The following PLEKHH1 variants were observed in gnomAD, a reference collection of about 807,000 sequenced individuals.
PLEKHH1 encodes the protein pleckstrin homology, MyTH4 and FERM domain containing H1.
In PLEKHH1, 104 loss-of-function variants were observed where a neutral mutation model predicts 160.0. The ratio of observed to expected loss-of-function variants is 0.65; its 90% CI spans 0.55 to 0.76. The LOEUF is 0.76. Among genes scored for constraint, PLEKHH1 ranks in the 30% least tolerant of loss-of-function variants. PLEKHH1 has a pLI of 0.00. For missense variants in PLEKHH1, 1,427 were observed against 1,724.1 expected (o/e 0.83, Z 3.05); for synonymous variants, 619 against 678.4 (o/e 0.91, Z 1.36).
Position 67,588,520 on chromosome 14 carries a change from A to T in PLEKHH1, c.*1285A>T, listed in dbSNP as rs2036263467. ...GTTTCTTTCATCTTTTGCCTTACTG[A>T]TAATACCATAATCCCCCTCAATTCA... On this transcript the variant is annotated 3_prime_UTR_variant, in exon 29 of 29. Transcript: ENST00000329153. 1 of 152,066 alleles carries T rather than the reference A, an allele frequency of 6.6e-6. No individual in the cohort carries two copies. Among genetic ancestry groups the T allele is most frequent in the Non-Finnish European group, 1.5e-5 (1 of 68,028 alleles). 9.4% of individuals were successfully genotyped at this position (152,066 alleles called of 1,614,324 possible).
At chr14:67,548,134 G>T (rs1368565383) in intron 2 of PLEKHH1, among the ~76,000 whole-genome samples, 1 of 152,168 alleles carries the variant, frequency 6.6e-6, no homozygotes, top group Admixed American at 6.5e-5. Flanking sequence ...AAGCCACAAA[G>T]GCTATTCAGA....
At chr14:67,567,380 TG>T (rs1436594644) in intron 7 of PLEKHH1, among the ~76,000 whole-genome samples, 1 of 152,238 alleles carries the variant, frequency 6.6e-6, no homozygotes, top group African/African-American at 2.4e-5. Flanking sequence ...GATAACATTT[TG>T]TCAAACAGTC....
rs1471175074 is a variant in PLEKHH1 at position 67,589,262 on chromosome 14, C to T, written c.*2027C>T. The T allele has an allele frequency of 1.2e-6, 1 of 817,140 alleles. No individual in the cohort carries two copies. The highest frequency in any genetic ancestry group is 1.2e-4 in the East Asian group (1 of 8,170). 50.6% of individuals were successfully genotyped at this position (817,140 alleles called of 1,614,324 possible). A position where few individuals can be genotyped will look rare whatever the true frequency, so the allele number is the denominator to read the frequency against. ...TCTCCTCCCCAACCCTTCAGGAACCCTTTAGTTTATTAATCTTATACAGAA... is the reference window on the plus strand; with the variant it reads ...TCTCCTCCCCAACCCTTCAGGAACCTTTTAGTTTATTAATCTTATACAGAA... On this transcript the variant is annotated 3_prime_UTR_variant, in exon 29 of 29. Transcript: ENST00000329153.
chr14:67,582,165 T>C lies in PLEKHH1; in HGVS notation c.3381T>C (p.Pro1127=), dbSNP rs779741605. ...TSREIVAGRF[P]INKELALEMA... is the part of the protein sequence containing the mutation. ...GAGAGATAGTGGCAGGGAGGTTTCC[T>C]ATCAACAAGGAATTGGCTCTTGAGA... The change falls in exon 24 of 29, where the codon CCT becomes CCC. Residue 1127 remains proline, a synonymous_variant. Coordinates refer to ENST00000329153, the MANE Select transcript of PLEKHH1 (RefSeq NM_020715.3). The surrounding 1 kb of genome is among the most constrained non-coding windows in gnomAD (Gnocchi z 5.0). 1.2e-6 allele frequency: 2 copies of C among 1,613,504 alleles called. No homozygotes were observed. The highest frequency in any genetic ancestry group is 2.7e-5 in the African/African-American group (2 of 75,008).
intron 27 of PLEKHH1, 138 bp from the exon 28 acceptor site, chr14:67,585,812 AT>A (rs2036130635): frequency 4.8e-6 from 5 of 1,050,224 alleles, no homozygotes; most frequent in Non-Finnish European, 5.7e-6. Context: ...CTGCTTGTAG[AT>A]ATTCAAGATG....
chr14:67,554,568 T>C lies in PLEKHH1; in HGVS notation c.127-1257T>C, dbSNP rs111897728. Among the ~76,000 whole-genome samples, 250 of 152,324 alleles carry C rather than the reference T, an allele frequency of 1.6e-3. 2 individuals carry two copies. The highest frequency in any genetic ancestry group is 5.7e-3 in the African/African-American group (235 of 41,576). On this transcript the variant is annotated intron_variant, in intron 2 of 28. Transcript: ENST00000329153. ...TAGGCTTGGCACATGGTGTTAGACA[T>C]GAGAGCGGGATGCATGAATTTGCTC...
At chr14:67,537,884 G>A (rs981405923) in intron 1 of PLEKHH1, among the ~76,000 whole-genome samples, 5 of 152,228 alleles carry the variant, frequency 3.3e-5, no homozygotes, top group South Asian at 2.1e-4. Context: ...TTTCAGTCCC[G>A]GGTGTTGGAG....
intron 7 of PLEKHH1, among the ~76,000 whole-genome samples, chr14:67,566,593 C>T (rs1486651678): frequency 2.0e-5 from 3 of 151,924 alleles, no homozygotes; most frequent in African/African-American, 4.8e-5. Context: ...AAAAAAGATA[C>T]AAAAATTAGC....
rs976424699 is a variant in PLEKHH1 at position 67,555,898 on chromosome 14, G to T, written c.189+11G>T. The T allele has an allele frequency of 6.2e-7, 1 of 1,613,058 alleles. No individual in the cohort carries two copies. The highest frequency in any genetic ancestry group is 1.3e-5 in the African/African-American group (1 of 75,030). Reference sequence around the variant, plus strand: ...AACGCTGAGACCCAGGTAACCAGGGGAGGGGATCGGCGGGAATATGCAGGG... The same window carrying T: ...AACGCTGAGACCCAGGTAACCAGGGTAGGGGATCGGCGGGAATATGCAGGG... On this transcript the variant is annotated intron_variant, in intron 3 of 28. Coordinates refer to ENST00000329153, the MANE Select transcript of PLEKHH1 (RefSeq NM_020715.3).
rs1566766165 is a variant in PLEKHH1, at chr14:67,584,092, C to G, written c.3667C>G (p.Pro1223Ala). Reference protein sequence around the residue: ...RIYLTVARKWPFFGAKLFAAQ... With the variant: ...RIYLTVARKWAFFGAKLFAAQ... ...CTACCTGACCGTGGCCAGGAAATGG[C>G]CTTTCTTTGGTGCTAAACTTTTTGC... The change falls in exon 26 of 29, where the codon CCT (proline) becomes GCT (alanine). Residue 1223 changes from proline (P) to alanine (A), a missense_variant. Physicochemically the swap from Pro to Ala is conservative, Grantham distance 27. Transcript: ENST00000329153. The G allele has an allele frequency of 6.2e-7, 1 of 1,613,910 alleles. No individual in the cohort carries two copies. The highest frequency in any genetic ancestry group is 8.5e-7 in the Non-Finnish European group (1 of 1,179,878).
At chr14:67,571,022 C>G (rs571468243) in intron 9 of PLEKHH1, 1 of 152,292 alleles carries the variant, frequency 6.6e-6, no homozygotes, top group East Asian at 1.9e-4. Context: ...ATGCCTGGCC[C>G]CTACCTCCTC....
At chr14:67,569,299 C>A in intron 8 of PLEKHH1, 83 bp downstream of exon 8, 1 of 970,726 alleles carries the variant, frequency 1.0e-6, no homozygotes, top group Non-Finnish European at 1.6e-6. Context: ...CTCCAAGCAA[C>A]ACCCAGGGCC....
At chr14:67,570,635 A>C (rs951866300) in intron 9 of PLEKHH1, 22 of 152,448 alleles carry the variant, frequency 1.4e-4, no homozygotes, top group African/African-American at 4.8e-4. Flanking sequence ...CTGTGTGCAC[A>C]CAAAAGGTGC....
intron 7 of PLEKHH1, among the ~76,000 whole-genome samples, chr14:67,568,557 AT>A (rs758745654): frequency 6.6e-6 from 1 of 152,190 alleles, no homozygotes; most frequent in Non-Finnish European, 1.5e-5. Flanking sequence ...GTTTACCTAC[AT>A]AAAAACCTGC....
rs368751472 is a variant in PLEKHH1 at position 67,562,731 on chromosome 14, G to A, written c.1100G>A (p.Arg367Gln). The change falls in exon 7 of 29, where the codon CGA (arginine) becomes CAA (glutamine). Residue 367 changes from arginine to glutamine, a missense_variant. By Grantham distance (43) the Arg-to-Gln change is conservative. Around this residue, in one of 6 missense-constraint regions of PLEKHH1, gnomAD observed 831 missense variants for 929.2 expected, o/e 0.89. Coordinates refer to ENST00000329153, the MANE Select transcript of PLEKHH1 (RefSeq NM_020715.3). ...HPSGLPELESRARSREEPEKM... is the reference protein window; with the variant it reads ...HPSGLPELESQARSREEPEKM... ...TCTGGCCTTCCTGAGCTGGAGTCCCGAGCTAGGTCCCGGGAGGAACCAGAG... is the reference window on the plus strand; with the variant it reads ...TCTGGCCTTCCTGAGCTGGAGTCCCAAGCTAGGTCCCGGGAGGAACCAGAG... The A allele has an allele frequency of 6.1e-5, 99 of 1,613,438 alleles. No homozygotes were observed. The African/African-American group carries it at 7.2e-4, about 12-fold the overall frequency.
At chr14:67,533,834 C>G (rs1185214554) in intron 1 of PLEKHH1, 2 of 152,112 alleles carry the variant, frequency 1.3e-5, no homozygotes, top group Non-Finnish European at 2.9e-5. Flanking sequence ...CTCCTAGGAG[C>G]AGGTCATTCA....
Position 67,582,288 on chromosome 14 carries a change from G to T in PLEKHH1, c.3426+78G>T. Reference sequence around the variant, plus strand: ...GCACCATGCAGCCTGAAACACAGGAGAGATTCTGCAGATCCTGTGGTGCTC... The same window carrying T: ...GCACCATGCAGCCTGAAACACAGGATAGATTCTGCAGATCCTGTGGTGCTC... On this transcript the variant is annotated intron_variant, in intron 24 of 28. Coordinates refer to ENST00000329153, the MANE Select transcript of PLEKHH1 (RefSeq NM_020715.3). The surrounding 1 kb of genome is among the most constrained non-coding windows in gnomAD (Gnocchi z 5.0). 1 of 1,604,494 alleles carries T rather than the reference G, an allele frequency of 6.2e-7. No homozygotes were observed. Among genetic ancestry groups the T allele is most frequent in the African/African-American group, 1.3e-5 (1 of 74,910 alleles).
In PLEKHH1 at chr14:67,585,663, G is replaced by A; in HGVS notation, c.3786+9G>A. 1 of 1,534,236 alleles carries A rather than the reference G, an allele frequency of 6.5e-7. No individual in the cohort carries two copies. Among genetic ancestry groups the A allele is most frequent in the Non-Finnish European group, 8.9e-7 (1 of 1,127,020 alleles). On this transcript the variant is annotated intron_variant, in intron 27 of 28. Coordinates refer to ENST00000329153, the MANE Select transcript of PLEKHH1 (RefSeq NM_020715.3). ...TGGACCACAACACTATGGTATGAAA[G>A]GATGCAGGCTGCTCCCTGACCCCTC...
In PLEKHH1 at chr14:67,562,699, C is replaced by G. The variant is rs1314895490; in HGVS notation, c.1068C>G (p.Leu356=). ...VNIETEAFSA[L]HPSGLPELES... is the part of the protein sequence containing the mutation. ...TTGAGACTGAGGCCTTCTCAGCCCT[C>G]CACCCCTCTGGCCTTCCTGAGCTGG... is the stretch of plus-strand genomic sequence containing the variant. The change falls in exon 7 of 29, where the codon CTC becomes CTG. Residue 356 remains leucine (L), a synonymous_variant. Coordinates refer to ENST00000329153, the MANE Select transcript of PLEKHH1 (RefSeq NM_020715.3). 5 of 1,612,772 alleles carry G rather than the reference C, an allele frequency of 3.1e-6. No homozygotes were observed. The highest frequency in any genetic ancestry group is 4.2e-6 in the Non-Finnish European group (5 of 1,179,444).
Sources: allele counts gnomAD v4.1 joint callset (sites outside exome capture counted in the v4.1 genomes callset), GRCh38; gene constraint gnomAD v4.1.1; regional missense constraint gnomAD v4.1.1; non-coding constraint Gnocchi (gnomAD v3.1); transcripts MANE v1.5; gene names NCBI Gene and HGNC (gene_info 2026-07-23, HGNC 2026-07-21).